Variants in CACNG7 observed in about 807,000 individuals in gnomAD.
CACNG7 encodes voltage-dependent calcium channel gamma-7 subunit.
Under a neutral mutation model 26.3 loss-of-function variants are expected in CACNG7, and 9 were observed. The ratio of observed to expected loss-of-function variants is 0.34; its 90% CI spans 0.21 to 0.60. CACNG7 has a LOEUF of 0.60. Among genes scored for constraint, CACNG7 ranks in the 20% least tolerant of loss-of-function variants. The pLI, the probability that CACNG7 is intolerant of heterozygous loss-of-function variation, is 0.81. For missense variants in CACNG7, 297 were observed against 380.4 expected (o/e 0.78, Z 1.82); for synonymous variants, 170 against 157.0 (o/e 1.08, Z -0.62).
rs1451356602 is a variant in CACNG7, at chr19:53,942,513, C to T, written c.*220C>T. 2 of 1,413,724 alleles carry T rather than the reference C, an allele frequency of 1.4e-6. No individual in the cohort carries two copies. The highest frequency in any genetic ancestry group is 1.8e-6 in the Non-Finnish European group (2 of 1,088,114). The allele number at this position is 1,413,724 out of a possible 1,614,324, so 87.6% of individuals were successfully genotyped here. A position where few individuals can be genotyped will look rare whatever the true frequency, so the allele number is the denominator to read the frequency against. The stretch of plus-strand genomic sequence containing the variant: ...CCCGACCTCTCCTTTTCATTGGTCC[C>T]TCTCACTCCCAAATGACTCCTCCCC... On this transcript the variant is annotated 3_prime_UTR_variant, in exon 6 of 6. Coordinates refer to ENST00000391767, the MANE Select transcript of CACNG7 (RefSeq NM_031896.5). This position sits in a 1 kb window ranked among gnomAD's most constrained non-coding sequence, Gnocchi z 5.9.
At chr19:53,923,683 T>TC (rs1189063496) in intron 4 of CACNG7, among the ~76,000 whole-genome samples, 14 of 112,918 alleles carry the variant, frequency 1.2e-4, no homozygotes, top group African/African-American at 5.9e-4. Context: ...GGTGGAGTTG[T>TC]CCCAGGCCTG....
At chr19:53,941,128 C>A (rs955302458) in intron 4 of CACNG7, among the ~76,000 whole-genome samples, 2 of 152,180 alleles carry the variant, frequency 1.3e-5, no homozygotes, top group African/African-American at 4.8e-5. Flanking sequence ...ATTTCTCTTG[C>A]CCCTGCCCCA....
In CACNG7 at chr19:53,939,465, C is replaced by A. The variant is rs544753247; in HGVS notation, c.425-2005C>A. 6.8e-4 allele frequency among the ~76,000 whole-genome samples: 104 copies of A among 152,062 alleles called. 1 individual carries two copies. Among genetic ancestry groups the A allele is most frequent in the African/African-American group, 2.2e-3 (92 of 41,536 alleles). ...CCCCTCCATCCTATTCCCTGGCAAC[C>A]ACTAATCTACTTTCTGTCTCTGTGG... On this transcript the variant is annotated intron_variant, in intron 4 of 5. Transcript: ENST00000391767. This position sits in a 1 kb window ranked among gnomAD's most constrained non-coding sequence, Gnocchi z 4.2.
At chr19:53,931,918 C>T (rs1293924437) in intron 4 of CACNG7, among the ~76,000 whole-genome samples, 2 of 150,764 alleles carry the variant, frequency 1.3e-5, no homozygotes, top group South Asian at 2.1e-4. Flanking sequence ...GCCACCACCA[C>T]GCCCGGCTAA....
chr19:53,942,305 C>T lies in CACNG7; in HGVS notation c.*12C>T. The T allele has an allele frequency of 6.3e-7, 1 of 1,599,244 alleles. No individual in the cohort carries two copies. The highest frequency in any genetic ancestry group is 8.5e-7 in the Non-Finnish European group (1 of 1,173,508). On this transcript the variant is annotated 3_prime_UTR_variant, in exon 6 of 6. Coordinates refer to ENST00000391767, the MANE Select transcript of CACNG7 (RefSeq NM_031896.5). The surrounding 1 kb of genome is among the most constrained non-coding windows in gnomAD (Gnocchi z 5.9). ...CCTCGCCCTGCTGAGGCCCGCCCCT[C>T]GGAGCTCCCCCTGCCTCCTCCTCCT...
chr19:53,919,871 G>T (rs1387313683), intron 4 of CACNG7, among the ~76,000 whole-genome samples: 1 of 134,856 alleles, frequency 7.4e-6, no homozygotes, highest in Non-Finnish European at 1.6e-5. Flanking sequence ...TGGTGGACTT[G>T]CCCCAGGCTG....
chr19:53,911,093 G>T (rs78928167), intron 1 of CACNG7, among the ~76,000 whole-genome samples: 28,544 of 150,700 alleles, frequency 0.19, 6,397 homozygotes, highest in African/African-American at 0.54. Flanking sequence ...TTGAGATGGA[G>T]TCTCACTCTG....
chr19:53,923,543 G>C (rs1381663886), intron 4 of CACNG7, among the ~76,000 whole-genome samples: 4 of 126,286 alleles, frequency 3.2e-5, no homozygotes, highest in East Asian at 2.5e-4. Context: ...GTCATTGGTG[G>C]AGTTGTCCCA....
rs186952929 is a variant in CACNG7, at chr19:53,912,382, G to A, written c.-29-421G>A. 2.1e-3 allele frequency among the ~76,000 whole-genome samples: 314 copies of A among 152,316 alleles called. 3 individuals are homozygous for A. The highest frequency in any genetic ancestry group is 7.8e-4 in the Non-Finnish European group (53 of 68,028). ...CTAAATTAGGGTCTCAGGTCAGCAGGTGAGGTTAGGTTTTGGCAGGGGGAC... is the reference window on the plus strand; with the variant it reads ...CTAAATTAGGGTCTCAGGTCAGCAGATGAGGTTAGGTTTTGGCAGGGGGAC... On this transcript the variant is annotated intron_variant, in intron 1 of 5. Transcript: ENST00000391767. This position sits in a 1 kb window ranked among gnomAD's most constrained non-coding sequence, Gnocchi z 4.6.
In CACNG7 at chr19:53,912,696, T is replaced by A. The variant is rs1327152687; in HGVS notation, c.-29-107T>A. On this transcript the variant is annotated intron_variant, in intron 1 of 5. Coordinates refer to ENST00000391767, the MANE Select transcript of CACNG7 (RefSeq NM_031896.5). This position sits in a 1 kb window ranked among gnomAD's most constrained non-coding sequence, Gnocchi z 4.6. ...CGGAGGTCAGATCTGAGATTTCGAT[T>A]TGGGAGTCAGTGTCTCTGGCTAGGG... 1 of 851,566 alleles carries A rather than the reference T, an allele frequency of 1.2e-6. No individual in the cohort carries two copies. Among genetic ancestry groups the A allele is most frequent in the African/African-American group, 1.7e-5 (1 of 59,150 alleles). 52.8% of individuals were successfully genotyped at this position (851,566 alleles called of 1,614,324 possible).
At chr19:53,921,184 G>GC (rs1555810506) in intron 4 of CACNG7, among the ~76,000 whole-genome samples, 1 of 88,158 alleles carries the variant, frequency 1.1e-5, no homozygotes, top group African/African-American at 6.5e-5. Context: ...CTTGCCCCAG[G>GC]CTGGTCATTG....
intron 4 of CACNG7, among the ~76,000 whole-genome samples, chr19:53,930,375 AT>A (rs920645157): frequency 2.7e-5 from 4 of 150,622 alleles, no homozygotes; most frequent in African/African-American, 2.4e-5. Flanking sequence ...CGCCAGGCTA[AT>A]TTTTTTTTAA....
At chr19:53,935,839 C>T (rs902735365) in intron 4 of CACNG7, among the ~76,000 whole-genome samples, 17 of 151,564 alleles carry the variant, frequency 1.1e-4, no homozygotes, top group African/African-American at 4.1e-4. Flanking sequence ...CAGGATTTCT[C>T]CATGTTGGCC....
intron 4 of CACNG7, among the ~76,000 whole-genome samples, chr19:53,930,590 G>A (rs1211207502): frequency 6.6e-6 from 1 of 152,122 alleles, no homozygotes; most frequent in Non-Finnish European, 1.5e-5. Flanking sequence ...AGCCAGGATG[G>A]TCTTGAACTC....
intron 1 of CACNG7, among the ~76,000 whole-genome samples, chr19:53,910,626 G>A (rs2068856392): frequency 6.6e-6 from 1 of 152,140 alleles, no homozygotes; most frequent in African/African-American, 2.4e-5. Flanking sequence ...GTCCCAAGTT[G>A]AGACCCCCAA....
In CACNG7 at chr19:53,942,469, A is replaced by G; in HGVS notation, c.*176A>G. The G allele has an allele frequency of 6.9e-7, 1 of 1,442,062 alleles. No individual in the cohort carries two copies. Among genetic ancestry groups the G allele is most frequent in the Non-Finnish European group, 9.1e-7 (1 of 1,103,524 alleles). 89.3% of individuals were successfully genotyped at this position (1,442,062 alleles called of 1,614,324 possible). ...CTCCGCCCACAGACTCCCTTATTTC[A>G]ATGGCCGCGCCCTCTTTTCCCGACC... On this transcript the variant is annotated 3_prime_UTR_variant, in exon 6 of 6. Transcript: ENST00000391767. The surrounding 1 kb of genome is among the most constrained non-coding windows in gnomAD (Gnocchi z 5.9).
At position 53,929,110 on chromosome 19, in the gene CACNG7, TCAAAAAAAAAA is replaced by T. The variant is rs1291583710; in HGVS notation, c.425-12348_425-12338del. ...CTGGGTGACACAGTGAGACTCCACC[TCAAAAAAAAAA>T]CAAAAAAAAAAAAAAAAGAGAGAAT... is the stretch of plus-strand genomic sequence containing the variant. On this transcript the variant is annotated intron_variant, in intron 4 of 5. Coordinates refer to ENST00000391767, the MANE Select transcript of CACNG7 (RefSeq NM_031896.5). Among the ~76,000 whole-genome samples the T allele has an allele frequency of 8.5e-5, 5 of 58,714 alleles. No individual in the cohort carries two copies. The South Asian group carries it at 2.0e-3, about 24-fold the overall frequency. The allele number at this position is 58,714 out of a possible 152,430, so 38.5% of individuals were successfully genotyped here.
intron 4 of CACNG7, among the ~76,000 whole-genome samples, chr19:53,935,634 C>CTTTTTTTTTTTTTTT (rs59884893): frequency 9.5e-5 from 4 of 42,254 alleles, no homozygotes; most frequent in Non-Finnish European, 7.7e-5. Context: ...CCAATACTGT[C>CTTTTTTTTTTTTTTT]TTTTTTTTTT....
rs1030068417 is a variant in CACNG7 at position 53,909,688 on chromosome 19, C to A, written c.-30+171C>A. 6.6e-6 allele frequency among the ~76,000 whole-genome samples: 1 copy of A among 152,122 alleles called. No individual in the cohort carries two copies. The highest frequency in any genetic ancestry group is 6.5e-5 in the Admixed American group (1 of 15,272). The stretch of plus-strand genomic sequence containing the variant: ...GGGATGCAGGGACACCTGGGCCTGG[C>A]GATCCCGGAGGACGGGGTCCGAGGG... On this transcript the variant is annotated intron_variant, in intron 1 of 5. Coordinates refer to ENST00000391767, the MANE Select transcript of CACNG7 (RefSeq NM_031896.5). This position sits in a 1 kb window ranked among gnomAD's most constrained non-coding sequence, Gnocchi z 5.1.
Sources: allele counts gnomAD v4.1 joint callset (sites outside exome capture counted in the v4.1 genomes callset), GRCh38; gene constraint gnomAD v4.1.1; non-coding constraint Gnocchi (gnomAD v3.1); transcripts MANE v1.5; gene names NCBI Gene and HGNC (gene_info 2026-07-23, HGNC 2026-07-21).